The following PARD3B variants were observed in gnomAD, a reference collection of about 807,000 sequenced individuals.
PARD3B encodes par-3 family cell polarity regulator beta.
PARD3B carries 103 observed loss-of-function variants against 130.2 expected under a neutral mutation model. The ratio of observed to expected loss-of-function variants is 0.79; its 90% CI spans 0.67 to 0.93. The LOEUF (loss-of-function observed/expected upper bound fraction) is 0.93. PARD3B is among the 40% of genes least tolerant of loss of function. The pLI is 0.00. For missense variants in PARD3B, 1,609 were observed against 1,499.2 expected (o/e 1.07, Z -1.21); for synonymous variants, 583 against 553.2 (o/e 1.05, Z -0.76).
At position 205,291,522 on chromosome 2, in the gene PARD3B, G is replaced by T. The variant is rs1192171568; in HGVS notation, c.2186-9008G>T. On this transcript the variant is annotated intron_variant, in intron 16 of 22. Coordinates refer to ENST00000406610, the MANE Select transcript of PARD3B (RefSeq NM_001302769.2). The surrounding 1 kb of genome is among the most constrained non-coding windows in gnomAD (Gnocchi z 4.6). ...TTGTTCTGGTGTATTATGGAAGGTAGAACTTGTAAGTGATGAAATTGGGTA... is the reference window on the plus strand; with the variant it reads ...TTGTTCTGGTGTATTATGGAAGGTATAACTTGTAAGTGATGAAATTGGGTA... 1.3e-5 allele frequency among the ~76,000 whole-genome samples: 2 copies of T among 152,228 alleles called. No individual in the cohort carries two copies. Among genetic ancestry groups the T allele is most frequent in the Admixed American group, 6.5e-5 (1 of 15,290 alleles).
chr2:205,129,187 C>A (rs867524662), intron 10 of PARD3B, among the ~76,000 whole-genome samples: 2 of 152,188 alleles, frequency 1.3e-5, no homozygotes, highest in African/African-American at 4.8e-5. Context: ...GTCACCATAG[C>A]AAAGCAAGGG....
intron 2 of PARD3B, among the ~76,000 whole-genome samples, chr2:204,830,136 G>T (rs765459317): frequency 6.6e-6 from 1 of 151,820 alleles, no homozygotes; most frequent in Non-Finnish European, 1.5e-5. Context: ...TCCCAGCCAT[G>T]CCTGCTGTGT....
intron 15 of PARD3B, among the ~76,000 whole-genome samples, chr2:205,225,980 T>C (rs915643735): frequency 6.6e-6 from 1 of 152,234 alleles, no homozygotes; most frequent in Non-Finnish European, 1.5e-5. Context: ...CTGTTTCTTT[T>C]GCTGAGAAGC....
rs1258113353 is a variant in PARD3B, at chr2:204,906,577, T to G, written c.223-58575T>G. Among the ~76,000 whole-genome samples the G allele has an allele frequency of 1.3e-5, 2 of 152,236 alleles. No individual in the cohort carries two copies. The highest frequency in any genetic ancestry group is 2.9e-5 in the Non-Finnish European group (2 of 68,046). ...CAGTGTGGTATCCAAGCTATAATTT[T>G]GATGCCTTCCCTTATGTTGGTAATT... On this transcript the variant is annotated intron_variant, in intron 2 of 22. Coordinates refer to ENST00000406610, the MANE Select transcript of PARD3B (RefSeq NM_001302769.2). The surrounding 1 kb of genome is among the most constrained non-coding windows in gnomAD (Gnocchi z 4.3).
Position 204,985,032 on chromosome 2 carries a change from A to G in PARD3B, c.394+19709A>G, listed in dbSNP as rs144403305. On this transcript the variant is annotated intron_variant, in intron 3 of 22. Coordinates refer to ENST00000406610, the MANE Select transcript of PARD3B (RefSeq NM_001302769.2). ...TCTACCACGTTTGGCACGTCTAATA[A>G]TGATTATAGGCATTGCTACAAATTC... is the stretch of plus-strand genomic sequence containing the variant. 2.1e-3 allele frequency among the ~76,000 whole-genome samples: 322 copies of G among 152,176 alleles called. 3 individuals carry two copies. The highest frequency in any genetic ancestry group is 7.4e-3 in the African/African-American group (309 of 41,518).
At chr2:204,864,914 A>G (rs1422177820) in intron 2 of PARD3B, among the ~76,000 whole-genome samples, 1 of 152,204 alleles carries the variant, frequency 6.6e-6, no homozygotes, top group Non-Finnish European at 1.5e-5. Context: ...TGGTTGAGAA[A>G]TATGATATAC....
intron 18 of PARD3B, among the ~76,000 whole-genome samples, chr2:205,392,393 A>G (rs528069749): frequency 1.3e-5 from 2 of 152,196 alleles, no homozygotes; most frequent in Non-Finnish European, 2.9e-5. Context: ...TAGCTGCTAC[A>G]TCTTGGCTGG....
chr2:205,281,440 G>A lies in PARD3B; in HGVS notation c.2186-19090G>A, dbSNP rs918386050. ...TTGCACACAAAAGTTCTCTGAAAAC[G>A]AAGTTGAAAGAAAGAGACCTTGTTC... On this transcript the variant is annotated intron_variant, in intron 16 of 22. Transcript: ENST00000406610. The surrounding 1 kb of genome is among the most constrained non-coding windows in gnomAD (Gnocchi z 4.2). Among the ~76,000 whole-genome samples, 12 of 152,102 alleles carry A rather than the reference G, an allele frequency of 7.9e-5. No individual in the cohort carries two copies. Among genetic ancestry groups the A allele is most frequent in the African/African-American group, 2.9e-4 (12 of 41,412 alleles).
At chr2:205,057,551 A>ATATACATATATGTGTATGTGTATG (rs1699766495) in intron 4 of PARD3B, among the ~76,000 whole-genome samples, 1 of 127,830 alleles carries the variant, frequency 7.8e-6, no homozygotes, top group East Asian at 2.3e-4. Flanking sequence ...ATATGTGTAT[A>ATATACATATATGTGTATGTGTATG]TGTATATATA....
intron 3 of PARD3B, among the ~76,000 whole-genome samples, chr2:205,045,875 T>C (rs1698743365): frequency 6.6e-6 from 1 of 152,096 alleles, no homozygotes; most frequent in South Asian, 2.1e-4. Flanking sequence ...CGCTAAAATG[T>C]TCACTTCTGT....
intron 1 of PARD3B, among the ~76,000 whole-genome samples, chr2:204,568,839 C>A: frequency 6.6e-6 from 1 of 151,684 alleles, no homozygotes; most frequent in East Asian, 2.0e-4. Flanking sequence ...CCTTTAATCC[C>A]GACTACTCGG....
intron 18 of PARD3B, among the ~76,000 whole-genome samples, chr2:205,382,397 G>A (rs1213236638): frequency 6.6e-6 from 1 of 152,090 alleles, no homozygotes; most frequent in Non-Finnish European, 1.5e-5. Flanking sequence ...AGTACATGAT[G>A]TTGATGTATC....
rs1159998205 is a variant in PARD3B at position 205,303,136 on chromosome 2, T to C, written c.2630+1435T>C. ...GCTAAAATATGCAATCCAATATAAA[T>C]GAAAGCTTTCTTCCTTTCTGCCTGT... On this transcript the variant is annotated intron_variant, in intron 18 of 22. Transcript: ENST00000406610. 3.9e-5 allele frequency among the ~76,000 whole-genome samples: 6 copies of C among 152,086 alleles called. No homozygotes were observed. The East Asian group carries it at 1.2e-3, about 29-fold the overall frequency.
chr2:205,471,777 T>A (rs2048845169), intron 20 of PARD3B, among the ~76,000 whole-genome samples: 1 of 152,242 alleles, frequency 6.6e-6, no homozygotes, highest in Non-Finnish European at 1.5e-5. Context: ...TCTGTTTACA[T>A]GCCACATGAC....
chr2:204,589,609 C>G (rs917577433), intron 1 of PARD3B, among the ~76,000 whole-genome samples: 1 of 152,046 alleles, frequency 6.6e-6, no homozygotes, highest in Non-Finnish European at 1.5e-5. Flanking sequence ...AGGTTCTAGG[C>G]ACTGAGAGCA....
Position 205,525,508 on chromosome 2 carries a change from A to ATTG in PARD3B, c.3180+25482_3180+25484dup, listed in dbSNP as rs1369909515. Among the ~76,000 whole-genome samples, 1 of 152,200 alleles carries ATTG rather than the reference A, an allele frequency of 6.6e-6. No individual in the cohort carries two copies. Among genetic ancestry groups the ATTG allele is most frequent in the Non-Finnish European group, 1.5e-5 (1 of 68,036 alleles). ...GGTTTAATTTTTTCTGTCAACGTGC[A>ATTG]TTGTTGTAATTATTAAAGATAAAAA... On this transcript the variant is annotated intron_variant, in intron 21 of 22. Coordinates refer to ENST00000406610, the MANE Select transcript of PARD3B (RefSeq NM_001302769.2). The surrounding 1 kb of genome is among the most constrained non-coding windows in gnomAD (Gnocchi z 4.2).
intron 2 of PARD3B, among the ~76,000 whole-genome samples, chr2:204,748,483 G>A (rs1425803873): frequency 6.6e-6 from 1 of 152,110 alleles, no homozygotes; most frequent in African/African-American, 2.4e-5. Context: ...CTAGAGGGAT[G>A]AGAAACGATT....
Position 204,750,528 on chromosome 2 carries a change from G to C in PARD3B, c.222+64246G>C, listed in dbSNP as rs140199603. Among the ~76,000 whole-genome samples, 13 of 152,294 alleles carry C rather than the reference G, an allele frequency of 8.5e-5. 1 individual carries two copies. Among genetic ancestry groups the C allele is most frequent in the African/African-American group, 2.9e-4 (12 of 41,568 alleles). Reference sequence around the variant, plus strand: ...TTGAGCCCTGGAGGTGGAGGTTGTGGTGAGCCCAGATCGCACCACTGCACT... The same window carrying C: ...TTGAGCCCTGGAGGTGGAGGTTGTGCTGAGCCCAGATCGCACCACTGCACT... On this transcript the variant is annotated intron_variant, in intron 2 of 22. Transcript: ENST00000406610.
At chr2:204,908,168 AC>A (rs2047103156) in intron 2 of PARD3B, among the ~76,000 whole-genome samples, 1 of 152,196 alleles carries the variant, frequency 6.6e-6, no homozygotes. Flanking sequence ...CTATCTTTGA[AC>A]TTGTAATATA....
Sources: gnomAD v4.1 joint callset for allele counts (sites outside exome capture counted in the v4.1 genomes callset) on GRCh38, gnomAD v4.1.1 for gene constraint, Gnocchi (gnomAD v3.1) non-coding constraint, MANE v1.5 for transcripts, NCBI Gene and HGNC (gene_info 2026-07-23, HGNC 2026-07-21) for gene names.